The following GRIK2 variants were observed in gnomAD, a reference collection of about 807,000 sequenced individuals.
GRIK2 encodes the protein glutamate receptor ionotropic, kainate 2.
Under a neutral mutation model 100.3 loss-of-function variants are expected in GRIK2, and 32 were observed. That is an observed-to-expected ratio of 0.32 (90% CI 0.24 to 0.43). The LOEUF (loss-of-function observed/expected upper bound fraction) is 0.43, where lower values mean the gene tolerates loss of function less well. GRIK2 is among the 20% of genes least tolerant of loss of function. The pLI, the probability that GRIK2 is intolerant of heterozygous loss-of-function variation, is 1.00. For synonymous variants in GRIK2, 417 were observed against 389.4 expected (o/e 1.07, Z -0.83); for missense variants, 843 against 1,114.9 (o/e 0.76, Z 3.47).
intron 11 of GRIK2, among the ~76,000 whole-genome samples, chr6:101,860,260 C>CG (rs149431713): frequency 0.01 from 1,596 of 152,030 alleles, 32 homozygotes; most frequent in African/African-American, 0.036. Flanking sequence ...GCAGCATGCA[C>CG]GGTGGCCATT....
At chr6:101,646,545 AG>A (rs1326816359) in intron 4 of GRIK2, among the ~76,000 whole-genome samples, 1 of 151,964 alleles carries the variant, frequency 6.6e-6, no homozygotes, top group Non-Finnish European at 1.5e-5. Context: ...CATATATTTT[AG>A]TTTACTTTAA....
At chr6:101,426,006 G>A (rs1424029687) in intron 2 of GRIK2, among the ~76,000 whole-genome samples, 1 of 152,150 alleles carries the variant, frequency 6.6e-6, no homozygotes, top group East Asian at 1.9e-4. Context: ...AGACTTGAAA[G>A]CTTGGAGGCA....
chr6:101,855,675 A>G (rs1479243748), intron 10 of GRIK2, among the ~76,000 whole-genome samples: 8 of 152,238 alleles, frequency 5.3e-5, no homozygotes, highest in Non-Finnish European at 8.8e-5. Flanking sequence ...AGCTAAGTTC[A>G]AAGAGAATAG....
intron 14 of GRIK2, among the ~76,000 whole-genome samples, chr6:101,953,146 C>T (rs745768845): frequency 3.9e-5 from 6 of 152,060 alleles, no homozygotes; most frequent in Non-Finnish European, 7.4e-5. Context: ...ATTGATATAA[C>T]AAATTTTATT....
At chr6:101,902,388 G>A (rs1387420468) in intron 12 of GRIK2, among the ~76,000 whole-genome samples, 1 of 151,914 alleles carries the variant, frequency 6.6e-6, no homozygotes, top group East Asian at 1.9e-4. Context: ...ATAATGACAA[G>A]GTTGTAGAGC....
At chr6:101,417,261 A>G (rs1193935456) in intron 2 of GRIK2, among the ~76,000 whole-genome samples, 1 of 152,142 alleles carries the variant, frequency 6.6e-6, no homozygotes, top group Non-Finnish European at 1.5e-5. Flanking sequence ...TCCCTCCCAC[A>G]ACATGTGGGG....
At chr6:101,550,228 A>T (rs908265512) in intron 2 of GRIK2, among the ~76,000 whole-genome samples, 8 of 152,196 alleles carry the variant, frequency 5.3e-5, no homozygotes, top group African/African-American at 1.9e-4. Context: ...GCAGCTGTGT[A>T]TTCTCACTTT....
At chr6:101,983,375 G>A (rs1281271630) in intron 14 of GRIK2, among the ~76,000 whole-genome samples, 1 of 151,848 alleles carries the variant, frequency 6.6e-6, no homozygotes, top group Non-Finnish European at 1.5e-5. Context: ...AGACAGGTCT[G>A]TGTGTAATAC....
intron 2 of GRIK2, among the ~76,000 whole-genome samples, chr6:101,402,500 G>T (rs73500688): frequency 0.074 from 11,298 of 152,204 alleles, 441 homozygotes; most frequent in Non-Finnish European, 0.086. Flanking sequence ...AAGGTATCCG[G>T]AGCACCGACC....
intron 14 of GRIK2, among the ~76,000 whole-genome samples, chr6:101,953,553 A>G (rs1476859874): frequency 6.6e-6 from 1 of 152,142 alleles, no homozygotes; most frequent in East Asian, 1.9e-4. Flanking sequence ...CACCATTTGT[A>G]TATCTTTGGA....
At chr6:101,852,928 C>T (rs956658628) in intron 10 of GRIK2, among the ~76,000 whole-genome samples, 3 of 152,150 alleles carry the variant, frequency 2.0e-5, no homozygotes, top group Non-Finnish European at 2.9e-5. Context: ...GTTACATTTG[C>T]AGTACTTTGT....
chr6:101,512,057 C>CATATAT (rs3057424), intron 2 of GRIK2, among the ~76,000 whole-genome samples: 2 of 148,176 alleles, frequency 1.3e-5, no homozygotes, highest in Non-Finnish European at 3.0e-5. Flanking sequence ...AAGATACATA[C>CATATAT]ATATATATAT....
intron 16 of GRIK2, chr6:102,065,801 C>A: frequency 1.3e-6 from 2 of 1,519,544 alleles, no homozygotes; most frequent in South Asian, 2.4e-5. Flanking sequence ...CAACAGAGAG[C>A]CAAGACTAAG....
At chr6:101,398,767 C>T in intron 1 of GRIK2, 1 of 365,424 alleles carries the variant, frequency 2.7e-6, no homozygotes, top group East Asian at 4.1e-5. Context: ...TTGGGGAGCT[C>T]ACTGGCCGGG....
intron 7 of GRIK2, among the ~76,000 whole-genome samples, chr6:101,719,634 A>G (rs1348335403): frequency 1.3e-5 from 2 of 151,900 alleles, no homozygotes; most frequent in African/African-American, 4.8e-5. Flanking sequence ...GAAAACATAT[A>G]TTTTATTTGG....
At chr6:101,992,997 T>G (rs1276455150) in intron 14 of GRIK2, among the ~76,000 whole-genome samples, 1 of 151,540 alleles carries the variant, frequency 6.6e-6, no homozygotes, top group East Asian at 1.9e-4. Flanking sequence ...ATAAGATACT[T>G]TCCATAATTA....
chr6:101,428,506 ATTCT>A (rs1769184648), intron 2 of GRIK2, among the ~76,000 whole-genome samples: 1 of 152,206 alleles, frequency 6.6e-6, no homozygotes, highest in African/African-American at 2.4e-5. Flanking sequence ...AGAATATCAC[ATTCT>A]ATTATTTCTA....
intron 16 of GRIK2, chr6:102,063,853 T>A (rs958474262): frequency 6.8e-6 from 4 of 586,688 alleles, no homozygotes; most frequent in African/African-American, 5.8e-5. Flanking sequence ...ATTAGAGATG[T>A]GTAAATATAA....
At chr6:101,574,953 A>G (rs116569635) in intron 2 of GRIK2, among the ~76,000 whole-genome samples, 3,490 of 151,924 alleles carry the variant, frequency 0.023, 139 homozygotes, top group African/African-American at 0.079. Flanking sequence ...TGAAATAAAT[A>G]CCTCTAACAA....
Sources: gnomAD v4.1 joint callset for allele counts (sites outside exome capture counted in the v4.1 genomes callset) on GRCh38, gnomAD v4.1.1 for gene constraint, MANE v1.5 for transcripts, NCBI Gene and HGNC (gene_info 2026-07-23, HGNC 2026-07-21) for gene names.